The following ZNF709 variants were observed in gnomAD, a reference collection of about 807,000 sequenced individuals.
The protein encoded by ZNF709 is zinc finger protein 709.
Under a neutral mutation model 10.6 loss-of-function variants are expected in ZNF709, and 15 were observed. That is an observed-to-expected ratio of 1.41 (90% CI 0.95 to 2.18). The LOEUF is 2.18. ZNF709 is among the 30% of genes most tolerant of loss of function. ZNF709 has a pLI of 0.00. For synonymous variants in ZNF709, 194 were observed against 238.8 expected (o/e 0.81, Z 1.73); for missense variants, 589 against 774.0 (o/e 0.76, Z 2.84).
At chr19:12,476,272 G>A (rs1443811624) in intron 1 of ZNF709, among the ~76,000 whole-genome samples, 1 of 151,946 alleles carries the variant, frequency 6.6e-6, no homozygotes, top group Non-Finnish European at 1.5e-5. Context: ...CACGCTTGTA[G>A]TCCCACCTAC....
rs1970534154 is a variant in ZNF709 at position 12,463,564 on chromosome 19, A to G, written c.*432T>C. On this transcript the variant is annotated 3_prime_UTR_variant, in exon 4 of 4. Coordinates refer to ENST00000397732, the MANE Select transcript of ZNF709 (RefSeq NM_152601.4). The stretch of plus-strand genomic sequence containing the variant: ...AGTATGAATGCTTCCTCATATTCAC[A>G]TGTAAATAACTGAAGGTATTCCCAT... 2 of 153,534 alleles carry G rather than the reference A, an allele frequency of 1.3e-5. No individual in the cohort carries two copies. Among genetic ancestry groups the G allele is most frequent in the Admixed American group, 6.5e-5 (1 of 15,328 alleles). 9.5% of individuals were successfully genotyped at this position (153,534 alleles called of 1,614,324 possible).
At chr19:12,469,244 A>T (rs1307171876) in intron 1 of ZNF709, among the ~76,000 whole-genome samples, 1 of 152,194 alleles carries the variant, frequency 6.6e-6, no homozygotes, top group Non-Finnish European at 1.5e-5. Flanking sequence ...TTGCAACAAC[A>T]TCCTGCTGGC....
intron 1 of ZNF709, among the ~76,000 whole-genome samples, chr19:12,484,178 G>A (rs759080344): frequency 6.6e-6 from 1 of 152,220 alleles, no homozygotes; most frequent in Non-Finnish European, 1.5e-5. Flanking sequence ...CCCAGCTCTG[G>A]GAAGAGCCAG....
intron 1 of ZNF709, among the ~76,000 whole-genome samples, chr19:12,468,503 G>A (rs951204187): frequency 7.9e-5 from 12 of 151,734 alleles, no homozygotes; most frequent in Middle Eastern, 3.4e-3. Flanking sequence ...CAGCATGCTC[G>A]TTAAGAGTCA....
In ZNF709 at chr19:12,464,556, C is replaced by G; in HGVS notation, c.1366G>C (p.Ala456Pro). 1 of 1,612,678 alleles carries G rather than the reference C, an allele frequency of 6.2e-7. No individual in the cohort carries two copies. The highest frequency in any genetic ancestry group is 8.5e-7 in the Non-Finnish European group (1 of 1,179,372). Reference protein sequence around the residue: ...KPYECKQCGKAFSCSSSFRMH... With the variant: ...KPYECKQCGKPFSCSSSFRMH... ...CGAAAGGAACTGGAACAACTGAAGGCTTTACCACACTGTTTACATTCATAG... is the reference window on the plus strand; with the variant it reads ...CGAAAGGAACTGGAACAACTGAAGGGTTTACCACACTGTTTACATTCATAG... The change falls in exon 4 of 4, where the codon GCC (alanine) becomes CCC (proline). Residue 456 changes from alanine to proline, a missense_variant. By Grantham distance (27) the Ala-to-Pro change is conservative (BLOSUM62 -1). Around this residue, in one of 2 missense-constraint regions of ZNF709, gnomAD observed 171 missense variants for 277.7 expected, o/e 0.62. Transcript: ENST00000397732.
intron 1 of ZNF709, among the ~76,000 whole-genome samples, chr19:12,483,764 A>C (rs1348826037): frequency 6.6e-6 from 1 of 152,042 alleles, no homozygotes; most frequent in African/African-American, 2.4e-5. Context: ...TAGGTCTCCT[A>C]ATTACGTATA....
chr19:12,476,554 T>G (rs546614191), intron 1 of ZNF709, among the ~76,000 whole-genome samples: 15 of 152,298 alleles, frequency 9.8e-5, no homozygotes, highest in African/African-American at 3.1e-4. Context: ...CTATGAAAGC[T>G]CTGTGTTAAG....
Position 12,464,793 on chromosome 19 carries a change from T to C in ZNF709, c.1129A>G (p.Ser377Gly). ...GTTCGTTCATGGATTTGAAAAGAAC[T>C]AGGACAATCAAAGGCTTTCCCACAT... is the stretch of plus-strand genomic sequence containing the variant. ...KECGKAFDCP[S>G]SFQIHERTHT... The change falls in exon 4 of 4, where the codon AGT becomes GGT. Residue 377 changes from serine to glycine, a missense_variant. Ser to Gly is a moderately conservative substitution (Grantham distance 56). This residue lies in a region of ZNF709 where 418 missense variants were observed against 496.3 expected (regional missense o/e 0.84). Coordinates refer to ENST00000397732, the MANE Select transcript of ZNF709 (RefSeq NM_152601.4). 6.2e-7 allele frequency: 1 copy of C among 1,613,606 alleles called. No homozygotes were observed. Among genetic ancestry groups the C allele is most frequent in the Non-Finnish European group, 8.5e-7 (1 of 1,179,726 alleles).
chr19:12,477,718 C>G (rs1450545120), intron 1 of ZNF709, among the ~76,000 whole-genome samples: 2 of 152,080 alleles, frequency 1.3e-5, no homozygotes, highest in African/African-American at 4.8e-5. Flanking sequence ...ATCTTTTTTG[C>G]CGTCTAAATT....
intron 1 of ZNF709, among the ~76,000 whole-genome samples, chr19:12,468,690 T>TTA (rs1555693884): frequency 2.4e-5 from 2 of 82,356 alleles, no homozygotes; most frequent in African/African-American, 9.0e-5. Context: ...GAATGATCAA[T>TTA]AAAAAAAAAA....
chr19:12,478,993 T>TTTTATAAAAA (rs1970699033), intron 1 of ZNF709, among the ~76,000 whole-genome samples: 2 of 152,148 alleles, frequency 1.3e-5, no homozygotes, highest in African/African-American at 2.4e-5. Flanking sequence ...AAAGAAACAC[T>TTTTATAAAAA]GACAGTATGC....
chr19:12,484,774 A>G lies in ZNF709; in HGVS notation c.-117T>C. ...GGGCCTTCTGGGGTGAGGAGACCCC[A>G]GAGCGGAGCGCAGCGGCTGGTAGCC... On this transcript the variant is annotated 5_prime_UTR_variant, in exon 1 of 4. Transcript: ENST00000397732. The G allele has an allele frequency of 7.0e-7, 1 of 1,423,324 alleles. No homozygotes were observed. Among genetic ancestry groups the G allele is most frequent in the Non-Finnish European group, 9.8e-7 (1 of 1,025,426 alleles). The allele number at this position is 1,423,324 out of a possible 1,614,324, so 88.2% of individuals were successfully genotyped here. A position where few individuals can be genotyped will look rare whatever the true frequency, so the allele number is the denominator to read the frequency against.
In ZNF709 at chr19:12,465,337, A is replaced by G. The variant is rs1568245557; in HGVS notation, c.585T>C (p.Pro195=). ...IHERTHTGEK[P]YECKECGKAF... ...CCTTCCCACATTCCTTACATTCATA[A>G]GGTTTCTCTCCAGTATGAGTTCTTT... The change falls in exon 4 of 4, where the codon CCT becomes CCC. Residue 195 remains proline, a synonymous_variant. Coordinates refer to ENST00000397732, the MANE Select transcript of ZNF709 (RefSeq NM_152601.4). 6.2e-7 allele frequency: 1 copy of G among 1,612,280 alleles called. No homozygotes were observed. Among genetic ancestry groups the G allele is most frequent in the Non-Finnish European group, 8.5e-7 (1 of 1,179,408 alleles).
chr19:12,479,502 T>C (rs138225900), intron 1 of ZNF709, among the ~76,000 whole-genome samples: 3 of 151,356 alleles, frequency 2.0e-5, no homozygotes, highest in African/African-American at 7.3e-5. Flanking sequence ...TACTACTTAA[T>C]AATCTTCATT....
chr19:12,465,518 T>C lies in ZNF709; in HGVS notation c.404A>G (p.Tyr135Cys). 1 of 1,610,866 alleles carries C rather than the reference T, an allele frequency of 6.2e-7. No individual in the cohort carries two copies. The highest frequency in any genetic ancestry group is 8.5e-7 in the Non-Finnish European group (1 of 1,179,014). The change falls in exon 4 of 4, where the codon TAT (tyrosine) becomes TGT (cysteine). Residue 135 changes from tyrosine (Y) to cysteine (C), a missense_variant. Physicochemically the swap from Tyr to Cys is radical, Grantham distance 194. This residue lies in a region of ZNF709 where 418 missense variants were observed against 496.3 expected (regional missense o/e 0.84). Coordinates refer to ENST00000397732, the MANE Select transcript of ZNF709 (RefSeq NM_152601.4). ...TEHRSYEYHK[Y>C]GEKSYECKEC... ...CTTACATTCATATGATTTCTCTCCATATTTGTGATATTCATATGATCTATG... is the reference window on the plus strand; with the variant it reads ...CTTACATTCATATGATTTCTCTCCACATTTGTGATATTCATATGATCTATG...
At position 12,465,795 on chromosome 19, in the gene ZNF709, A is replaced by G. The variant is rs1599631603; in HGVS notation, c.189-62T>C. On this transcript the variant is annotated intron_variant, in intron 3 of 3. Coordinates refer to ENST00000397732, the MANE Select transcript of ZNF709 (RefSeq NM_152601.4). ...GGCTTTTTAAAATTAATAATTTTAT[A>G]ATTATTGATTATTTCACAATCATTA... 5.6e-6 allele frequency: 7 copies of G among 1,255,386 alleles called. No homozygotes were observed. In the East Asian group the frequency reaches 1.9e-4, roughly 35 times the overall value. The allele number at this position is 1,255,386 out of a possible 1,614,324, so 77.8% of individuals were successfully genotyped here.
intron 1 of ZNF709, among the ~76,000 whole-genome samples, chr19:12,469,735 C>T (rs946930817): frequency 2.0e-5 from 3 of 152,056 alleles, no homozygotes; most frequent in Non-Finnish European, 2.9e-5. Context: ...CACCACTGCA[C>T]TCCAGCCTGG....
chr19:12,466,547 A>G, intron 2 of ZNF709, 28 bp from the exon 3 acceptor site: 1 of 1,612,876 alleles, frequency 6.2e-7, no homozygotes, highest in South Asian at 1.1e-5. Flanking sequence ...AAAAATCATT[A>G]AACCTATTCG....
chr19:12,465,014 G>C lies in ZNF709; in HGVS notation c.908C>G (p.Thr303Ser). Residue 303 changes from threonine (T) to serine (S), a missense_variant, in exon 4 of 4, where the codon ACT becomes AGT. By Grantham distance (58) the Thr-to-Ser change is moderately conservative (BLOSUM62 1). Around this residue, in one of 2 missense-constraint regions of ZNF709, gnomAD observed 418 missense variants for 496.3 expected, o/e 0.84. Coordinates refer to ENST00000397732, the MANE Select transcript of ZNF709 (RefSeq NM_152601.4). Reference protein sequence around the residue: ...TSFRSHERIHTGEKPYKCKKC... With the variant: ...TSFRSHERIHSGEKPYKCKKC... The stretch of plus-strand genomic sequence containing the variant: ...TTTACATTTATAGGGTTTTTCTCCA[G>C]TGTGAATCCTTTCATGACTTCGAAA... 1.9e-6 allele frequency: 3 copies of C among 1,611,400 alleles called. No homozygotes were observed. Among genetic ancestry groups the C allele is most frequent in the Non-Finnish European group, 2.5e-6 (3 of 1,179,230 alleles).
Sources: allele counts gnomAD v4.1 joint callset (sites outside exome capture counted in the v4.1 genomes callset), GRCh38; gene constraint gnomAD v4.1.1; regional missense constraint gnomAD v4.1.1; transcripts MANE v1.5; gene names NCBI Gene and HGNC (gene_info 2026-07-23, HGNC 2026-07-21).